SLC16A12: variants seen among roughly 807,000 people sequenced by gnomAD.
SLC16A12 encodes monocarboxylate transporter 12.
SLC16A12 carries 17 observed loss-of-function variants against 42.4 expected under a neutral mutation model. The ratio of observed to expected loss-of-function variants is 0.40; its 90% CI spans 0.27 to 0.60. SLC16A12 has a LOEUF of 0.60. Among genes scored for constraint, SLC16A12 ranks in the 20% least tolerant of loss-of-function variants. The pLI is 0.42. For synonymous variants in SLC16A12, 224 were observed against 229.4 expected, an observed-to-expected ratio of 0.98 and a Z score of 0.21; for missense variants, 544 against 623.0, an observed-to-expected ratio of 0.87 and a Z score of 1.35.
At chr10:89,538,779 T>C (rs1321814429), upstream of SLC16A12, among the ~76,000 whole-genome samples, 1 of 152,224 alleles carries the variant, frequency 6.6e-6, no homozygotes, top group African/African-American at 2.4e-5. Flanking sequence ...ACCTTAAAAA[T>C]ATTGGGGAAT....
intron 2 of SLC16A12, among the ~76,000 whole-genome samples, chr10:89,472,487 CTTT>C (rs71022567): frequency 3.4e-3 from 302 of 89,884 alleles, no homozygotes; most frequent in African/African-American, 9.6e-3. Context: ...TCTTTTCTTT[CTTT>C]TTTTTTTTTT....
intron 2 of SLC16A12, among the ~76,000 whole-genome samples, chr10:89,548,026 T>G (rs1843751068): frequency 6.8e-6 from 1 of 146,284 alleles, no homozygotes; most frequent in South Asian, 2.2e-4. Context: ...AGGTGGAGCG[T>G]GACATTATAG....
rs566068798 is a variant in SLC16A12, at chr10:89,514,462, A to G, written c.-47+20039T>C. Among the ~76,000 whole-genome samples, 23 of 152,326 alleles carry G rather than the reference A, an allele frequency of 1.5e-4. No individual in the cohort carries two copies. The South Asian group carries it at 4.8e-3, about 32-fold the overall frequency. On this transcript the variant is annotated intron_variant, in intron 2 of 7. Coordinates refer to ENST00000371790, the MANE Select transcript of SLC16A12 (RefSeq NM_213606.4). ...GTTGGATGTCTGAGAACAGAGTGCC[A>G]GCATGCTTGGGTTCTGGTGAAGGCA...
chr10:89,544,804 T>A (rs1843733897), intron 2 of SLC16A12, among the ~76,000 whole-genome samples: 1 of 147,144 alleles, frequency 6.8e-6, no homozygotes, highest in African/African-American at 2.7e-5. Context: ...TGAAACCAGG[T>A]CTGTCTAACT....
At chr10:89,533,639 TG>T (rs1451147700) in intron 2 of SLC16A12, among the ~76,000 whole-genome samples, 1 of 152,126 alleles carries the variant, frequency 6.6e-6, no homozygotes, top group East Asian at 1.9e-4. Context: ...CAAGGAAAGA[TG>T]GGGGTAGAGT....
Position 89,432,959 on chromosome 10 carries a change from C to A in SLC16A12, c.*105G>T, listed in dbSNP as rs571085695. On this transcript the variant is annotated 3_prime_UTR_variant, in exon 8 of 8. Transcript: ENST00000371790. ...TTAACAAAACAATAATAATAATTTC[C>A]TTGGAAGGCAATCCTTCTGCCAAAA... 406 of 1,437,696 alleles carry A rather than the reference C, an allele frequency of 2.8e-4. 2 individuals are homozygous for A. In the South Asian group the frequency reaches 5.0e-3, roughly 18 times the overall value. The allele number at this position is 1,437,696 out of a possible 1,614,324, so 89.1% of individuals were successfully genotyped here. A position where few individuals can be genotyped will look rare whatever the true frequency, so the allele number is the denominator to read the frequency against.
At chr10:89,549,130 T>C (rs1843756882) in intron 2 of SLC16A12, among the ~76,000 whole-genome samples, 1 of 152,242 alleles carries the variant, frequency 6.6e-6, no homozygotes, top group Non-Finnish European at 1.5e-5. Flanking sequence ...GATTTACCCT[T>C]TCTGACTCTC....
chr10:89,506,383 CA>C (rs1843061923), intron 2 of SLC16A12, among the ~76,000 whole-genome samples: 1 of 152,158 alleles, frequency 6.6e-6, no homozygotes, highest in African/African-American at 2.4e-5. Context: ...AAGGATCAGG[CA>C]GCAATATTTG....
At chr10:89,490,603 G>A (rs1368344462) in intron 2 of SLC16A12, among the ~76,000 whole-genome samples, 1 of 152,124 alleles carries the variant, frequency 6.6e-6, no homozygotes, top group Non-Finnish European at 1.5e-5. Flanking sequence ...CATAAGGCAA[G>A]GTATGGGGGG....
intron 2 of SLC16A12, among the ~76,000 whole-genome samples, chr10:89,554,071 A>AAGGAAGGAAG (rs1843789076): frequency 3.9e-5 from 3 of 77,920 alleles, no homozygotes; most frequent in African/African-American, 2.4e-4. Context: ...AAAGAAAGAA[A>AAGGAAGGAAG]GAAAGAAAGA....
At chr10:89,523,243 C>A (rs1362970607) in intron 2 of SLC16A12, among the ~76,000 whole-genome samples, 2 of 152,200 alleles carry the variant, frequency 1.3e-5, no homozygotes, top group Non-Finnish European at 1.5e-5. Context: ...TCCCCTTCAG[C>A]CTTACCACCC....
intron 3 of SLC16A12, among the ~76,000 whole-genome samples, chr10:89,447,308 T>G (rs1842020670): frequency 6.6e-6 from 1 of 152,212 alleles, no homozygotes; most frequent in African/African-American, 2.4e-5. Context: ...ATATACATTC[T>G]TCTCAGTACC....
chr10:89,475,790 TA>T (rs769988288), intron 2 of SLC16A12, among the ~76,000 whole-genome samples: 3 of 152,134 alleles, frequency 2.0e-5, no homozygotes, highest in Non-Finnish European at 2.9e-5. Context: ...AGACTTAGAA[TA>T]AACAGCAGAG....
intron 2 of SLC16A12, among the ~76,000 whole-genome samples, chr10:89,507,148 AC>A (rs761451583): frequency 4.6e-5 from 7 of 152,114 alleles, no homozygotes; most frequent in Non-Finnish European, 1.0e-4. Flanking sequence ...GTTGGAAATC[AC>A]TCTTCAGGAT....
chr10:89,445,156 T>C (rs1419964463), intron 3 of SLC16A12, among the ~76,000 whole-genome samples: 1 of 152,210 alleles, frequency 6.6e-6, no homozygotes, highest in Non-Finnish European at 1.5e-5. Context: ...GGGGAGGGCA[T>C]AGCTGAACAA....
Position 89,439,015 on chromosome 10 carries a change from G to T in SLC16A12, c.617C>A (p.Ala206Asp). 6.2e-7 allele frequency: 1 copy of T among 1,614,124 alleles called. No individual in the cohort carries two copies. Among genetic ancestry groups the T allele is most frequent in the Non-Finnish European group, 8.5e-7 (1 of 1,180,002 alleles). ...LLIEQFSWRGALLILGGFVLN... is the reference protein window; with the variant it reads ...LLIEQFSWRGDLLILGGFVLN... ...GACAAAGCCCCCAAGAATGAGTAAG[G>T]CTCCCCGCCAGGAAAACTGTTCAAT... Residue 206 changes from alanine to aspartate, a missense_variant, in exon 6 of 8, where the codon GCC (alanine) becomes GAC (aspartate). By Grantham distance (126) the Ala-to-Asp change is moderately radical. Coordinates refer to ENST00000371790, the MANE Select transcript of SLC16A12 (RefSeq NM_213606.4).
chr10:89,535,793 G>A (rs1299575133), upstream of SLC16A12, among the ~76,000 whole-genome samples: 1 of 152,096 alleles, frequency 6.6e-6, no homozygotes, highest in Non-Finnish European at 1.5e-5. Flanking sequence ...CAGGCTGCGC[G>A]ATCCGCGCTT....
chr10:89,436,452 T>C, intron 6 of SLC16A12, 133 bp from the exon 7 acceptor site: 3 of 1,061,000 alleles, frequency 2.8e-6, no homozygotes, highest in South Asian at 2.7e-5. Context: ...TTATGTATGC[T>C]GTCTTCCTAT....
At chr10:89,552,218 G>A (rs1267157592) in intron 2 of SLC16A12, among the ~76,000 whole-genome samples, 2 of 152,212 alleles carry the variant, frequency 1.3e-5, no homozygotes, top group African/African-American at 2.4e-5. Flanking sequence ...ACAGGCGTGA[G>A]CCACTCACGC....
Sources: gnomAD v4.1 joint callset for allele counts (sites outside exome capture counted in the v4.1 genomes callset) on GRCh38, gnomAD v4.1.1 for gene constraint, MANE v1.5 for transcripts, NCBI Gene and HGNC (gene_info 2026-07-23, HGNC 2026-07-21) for gene names.